Variants in GAS7 observed in about 807,000 individuals in gnomAD.
The protein encoded by GAS7 is growth arrest-specific protein 7.
GAS7 carries 28 observed loss-of-function variants against 71.1 expected under a neutral mutation model. That is an observed-to-expected ratio of 0.39 (90% CI 0.29 to 0.54). The LOEUF (loss-of-function observed/expected upper bound fraction) is 0.54. Ranked by LOEUF, GAS7 falls within the 20% of genes least tolerant of loss-of-function variation. The pLI is 0.62. For missense variants in GAS7, 436 were observed against 627.8 expected (o/e 0.69, Z 3.27); for synonymous variants, 258 against 245.8 (o/e 1.05, Z -0.46).
intron 1 of GAS7, among the ~76,000 whole-genome samples, chr17:10,028,378 A>C (rs1417265354): frequency 2.0e-5 from 3 of 152,162 alleles, no homozygotes; most frequent in Non-Finnish European, 2.9e-5. Flanking sequence ...CAAATAAATA[A>C]ATACATTCCT....
At chr17:9,937,524 C>T (rs191887998) in intron 8 of GAS7, among the ~76,000 whole-genome samples, 24 of 152,386 alleles carry the variant, frequency 1.6e-4, no homozygotes, top group Non-Finnish European at 3.4e-4. Flanking sequence ...CAGGAATGAA[C>T]TAACCTCATT....
intron 1 of GAS7, among the ~76,000 whole-genome samples, 167 bp downstream of exon 1, chr17:10,198,041 G>A (rs967233978): frequency 3.9e-5 from 6 of 152,136 alleles, no homozygotes; most frequent in African/African-American, 1.2e-4. Flanking sequence ...GCCCGCTGCC[G>A]TCGCTGCCCC....
chr17:9,921,156 TC>T (rs373485028), intron 11 of GAS7, among the ~76,000 whole-genome samples: 70 of 150,836 alleles, frequency 4.6e-4, no homozygotes, highest in African/African-American at 1.6e-3. Context: ...TGCATTTTTT[TC>T]TTTTTTTTTT....
At chr17:9,951,778 A>AC (rs1394200987) in intron 5 of GAS7, among the ~76,000 whole-genome samples, 2 of 150,602 alleles carry the variant, frequency 1.3e-5, no homozygotes, top group African/African-American at 4.9e-5. Flanking sequence ...AAAAAAAAAA[A>AC]AAAAAAAACA....
At chr17:10,135,484 C>T (rs191156396) in intron 1 of GAS7, among the ~76,000 whole-genome samples, 4 of 152,188 alleles carry the variant, frequency 2.6e-5, no homozygotes, top group Admixed American at 2.0e-4. Flanking sequence ...GGACTGAGCC[C>T]GCCCGAGAGA....
chr17:10,036,362 A>C, intron 1 of GAS7: 2 of 1,224,492 alleles, frequency 1.6e-6, no homozygotes, highest in Non-Finnish European at 1.2e-6. Flanking sequence ...ACCATGGCAC[A>C]GTCATTTTAG....
At position 9,934,418 on chromosome 17, in the gene GAS7, T is replaced by C. The variant is rs150340469; in HGVS notation, c.807-174A>G. On this transcript the variant is annotated intron_variant, in intron 8 of 13. Coordinates refer to ENST00000432992, the MANE Select transcript of GAS7 (RefSeq NM_201433.2). ...GAGCATCACGTTTCAACTCACAGAG[T>C]CAGATGAGCCACCAAGGTCCAAGTG... Among the ~76,000 whole-genome samples the C allele has an allele frequency of 7.2e-4, 109 of 151,328 alleles. 1 individual carries two copies. Among genetic ancestry groups the C allele is most frequent in the African/African-American group, 2.6e-3 (106 of 41,150 alleles).
intron 1 of GAS7, among the ~76,000 whole-genome samples, chr17:10,186,080 G>T (rs1014647016): frequency 5.3e-5 from 8 of 150,688 alleles, no homozygotes; most frequent in African/African-American, 1.7e-4. Flanking sequence ...TCAGCCTCCA[G>T]AGTAGCTGGG....
intron 1 of GAS7, among the ~76,000 whole-genome samples, chr17:10,060,185 C>T (rs2073204157): frequency 6.6e-6 from 1 of 152,184 alleles, no homozygotes. Context: ...GAGAAGCAGC[C>T]CTGGTGCTTT....
At chr17:10,075,275 G>A (rs980559902) in intron 1 of GAS7, among the ~76,000 whole-genome samples, 6 of 151,726 alleles carry the variant, frequency 4.0e-5, no homozygotes, top group Admixed American at 3.9e-4. Flanking sequence ...AGAATCGCTT[G>A]AACCCAGGAG....
chr17:9,969,247 T>C lies in GAS7; in HGVS notation c.471+430A>G, dbSNP rs1398937997. 6.6e-6 allele frequency among the ~76,000 whole-genome samples: 1 copy of C among 152,242 alleles called. No individual in the cohort carries two copies. The highest frequency in any genetic ancestry group is 6.5e-5 in the Admixed American group (1 of 15,292). ...TCCTTCCATCTCATAGCTCTCTCTA[T>C]GCTACTTTATCAAATGAGATGATCA... On this transcript the variant is annotated intron_variant, in intron 4 of 13. Transcript: ENST00000432992. The surrounding 1 kb of genome is among the most constrained non-coding windows in gnomAD (Gnocchi z 5.5).
At chr17:9,985,037 C>T (rs2070589409) in intron 2 of GAS7, among the ~76,000 whole-genome samples, 1 of 152,144 alleles carries the variant, frequency 6.6e-6, no homozygotes, top group South Asian at 2.1e-4. Context: ...TTCCCTGGCC[C>T]CTGGACAACC....
rs552947741 is a variant in GAS7, at chr17:10,016,381, T to A, written c.304+3396A>T. Among the ~76,000 whole-genome samples the A allele has an allele frequency of 8.1e-5, 8 of 98,172 alleles. No individual in the cohort carries two copies. The East Asian group carries it at 2.1e-3, about 25-fold the overall frequency. 64.4% of individuals were successfully genotyped at this position (98,172 alleles called of 152,430 possible). ...GCCTGGGTGAAAGAGCGAGACTCCG[T>A]CTCAAAAAAAAAAAAAAAAAAAGAG... On this transcript the variant is annotated intron_variant, in intron 2 of 13. Coordinates refer to ENST00000432992, the MANE Select transcript of GAS7 (RefSeq NM_201433.2).
chr17:10,063,837 A>T (rs2073247222), intron 1 of GAS7, among the ~76,000 whole-genome samples: 2 of 152,198 alleles, frequency 1.3e-5, no homozygotes, highest in Admixed American at 6.5e-5. Flanking sequence ...CACTCAGGTC[A>T]TGGGCTTCCC....
Position 10,093,851 on chromosome 17 carries a change from A to G in GAS7, c.184-73954T>C, listed in dbSNP as rs148742472. Among the ~76,000 whole-genome samples the G allele has an allele frequency of 2.5e-3, 384 of 152,228 alleles. 3 individuals are homozygous for G. The highest frequency in any genetic ancestry group is 8.7e-3 in the African/African-American group (363 of 41,536). ...TTCATCTACTACTACGTATTTCAATACGTGTTATTGAAACCTCTCATTTTA... is the reference window on the plus strand; with the variant it reads ...TTCATCTACTACTACGTATTTCAATGCGTGTTATTGAAACCTCTCATTTTA... On this transcript the variant is annotated intron_variant, in intron 1 of 13. Transcript: ENST00000432992.
In GAS7 at chr17:10,166,936, G is replaced by C. The variant is rs187325901; in HGVS notation, c.183+31272C>G. Among the ~76,000 whole-genome samples the C allele has an allele frequency of 6.1e-3, 929 of 151,828 alleles. 7 individuals carry two copies. The highest frequency in any genetic ancestry group is 0.022 in the African/African-American group (895 of 41,418). On this transcript the variant is annotated intron_variant, in intron 1 of 13. Transcript: ENST00000432992. The stretch of plus-strand genomic sequence containing the variant: ...AAAAGTCTATCACTTGTCCTTTCAC[G>C]AGCTGATGGGTGGAGACCCTGCTCT...
rs374734714 is a variant in GAS7, at chr17:9,940,143, C to T, written c.789G>A (p.Leu263=). The change falls in exon 8 of 14, where the codon TTG becomes TTA. Residue 263 remains leucine (L), a synonymous_variant. Transcript: ENST00000432992. Reference sequence around the variant, plus strand: ...CCACTCACCCTTCCTCCTGTGAAGCCAAGGAGTTCTGAGAGAGCTTAGCTA... The same window carrying T: ...CCACTCACCCTTCCTCCTGTGAAGCTAAGGAGTTCTGAGAGAGCTTAGCTA... ...KNLAKLSQNS[L]ASQEEGSLGE... is the part of the protein sequence containing the mutation. 2.8e-4 allele frequency: 456 copies of T among 1,600,654 alleles called. 1 individual carries two copies. Among genetic ancestry groups the T allele is most frequent in the Non-Finnish European group, 3.8e-4 (443 of 1,167,694 alleles).
At chr17:10,130,942 A>C (rs2073992353) in intron 1 of GAS7, among the ~76,000 whole-genome samples, 1 of 152,240 alleles carries the variant, frequency 6.6e-6, no homozygotes, top group Non-Finnish European at 1.5e-5. Flanking sequence ...TAATGATTGC[A>C]CAACTCCATG....
intron 6 of GAS7, among the ~76,000 whole-genome samples, chr17:9,945,438 C>T (rs571806037): frequency 6.6e-6 from 1 of 152,194 alleles, no homozygotes; most frequent in Non-Finnish European, 1.5e-5. Context: ...CTTGCTTACC[C>T]CGCCCTCTGA....
Sources: gnomAD v4.1 joint callset for allele counts (sites outside exome capture counted in the v4.1 genomes callset) on GRCh38, gnomAD v4.1.1 for gene constraint, Gnocchi (gnomAD v3.1) non-coding constraint, MANE v1.5 for transcripts, NCBI Gene and HGNC (gene_info 2026-07-23, HGNC 2026-07-21) for gene names.